SYN2: variants seen among roughly 807,000 people sequenced by gnomAD.
The protein encoded by SYN2 is synapsin II, also known as synapsin-2.
In SYN2, 19 loss-of-function variants were observed where a neutral mutation model predicts 50.9. The observed-to-expected ratio is 0.37, with a 90% CI of 0.26 to 0.55. The LOEUF (loss-of-function observed/expected upper bound fraction) is 0.55. Among genes scored for constraint, SYN2 ranks in the 20% least tolerant of loss-of-function variants. The pLI is 0.81. For synonymous variants in SYN2, 255 were observed against 224.9 expected, an observed-to-expected ratio of 1.13 and a Z score of -1.20; for missense variants, 587 against 576.4, an observed-to-expected ratio of 1.02 and a Z score of -0.19.
At chr3:12,045,055 A>G (rs1208720409) in intron 1 of SYN2, among the ~76,000 whole-genome samples, 1 of 152,178 alleles carries the variant, frequency 6.6e-6, no homozygotes, top group Non-Finnish European at 1.5e-5. Flanking sequence ...TATGCCTTAA[A>G]GATGATGTGA....
intron 10 of SYN2, among the ~76,000 whole-genome samples, chr3:12,171,680 A>G (rs889435250): frequency 6.6e-6 from 1 of 152,206 alleles, no homozygotes; most frequent in African/African-American, 2.4e-5. Flanking sequence ...TGTCCTTGCC[A>G]CTGCTTCACC....
chr3:12,082,878 T>A (rs1695611930), intron 1 of SYN2, among the ~76,000 whole-genome samples: 1 of 152,306 alleles, frequency 6.6e-6, no homozygotes, highest in East Asian at 1.9e-4. Context: ...GATTTGAACT[T>A]TTTTATTTCA....
chr3:12,120,287 T>TA (rs1209402881), intron 1 of SYN2, among the ~76,000 whole-genome samples: 1 of 144,010 alleles, frequency 6.9e-6, no homozygotes, highest in Non-Finnish European at 1.6e-5. Context: ...TTAACCACAG[T>TA]TTTTTTTTTA....
intron 1 of SYN2, among the ~76,000 whole-genome samples, chr3:12,137,804 A>G (rs114344742): frequency 0.012 from 1,795 of 152,356 alleles, 28 homozygotes; most frequent in Non-Finnish European, 0.018. Context: ...CTGGAAGTAT[A>G]TGCTTATAAT....
intron 1 of SYN2, among the ~76,000 whole-genome samples, chr3:12,133,203 A>G (rs971716916): frequency 1.4e-4 from 22 of 152,244 alleles, no homozygotes; most frequent in African/African-American, 4.8e-4. Context: ...TGATATAACA[A>G]TTTAATCAGT....
chr3:12,054,912 C>G (rs1000549716), intron 1 of SYN2, among the ~76,000 whole-genome samples: 4 of 152,018 alleles, frequency 2.6e-5, no homozygotes, highest in Non-Finnish European at 5.9e-5. Flanking sequence ...AATTTTTCTT[C>G]AAAATTTAGA....
intron 1 of SYN2, among the ~76,000 whole-genome samples, chr3:12,057,315 G>GTGTT (rs1695014635): frequency 1.3e-5 from 2 of 151,736 alleles, no homozygotes; most frequent in East Asian, 3.9e-4. Context: ...GTGTGTGTGT[G>GTGTT]TGTGTGTGTA....
In SYN2 at chr3:12,137,285, T is replaced by C. The variant is rs540472177; in HGVS notation, c.378-3366T>C. Among the ~76,000 whole-genome samples, 4 of 151,690 alleles carry C rather than the reference T, an allele frequency of 2.6e-5. No individual in the cohort carries two copies. In the South Asian group the frequency reaches 8.3e-4, roughly 32 times the overall value. ...AAAAAAGTCCGTACTGGGCATCTTA[T>C]CTGTTCCTATCTTATGCAAGGGACT... On this transcript the variant is annotated intron_variant, in intron 1 of 12. Transcript: ENST00000621198.
At chr3:12,174,336 C>T (rs182500680) in intron 10 of SYN2, among the ~76,000 whole-genome samples, 1 of 152,080 alleles carries the variant, frequency 6.6e-6, no homozygotes, top group African/African-American at 2.4e-5. Context: ...TCCTGTCCCC[C>T]CAACATTGTT....
chr3:12,022,495 CCT>C (rs1559388707), intron 1 of SYN2, among the ~76,000 whole-genome samples: 1 of 152,096 alleles, frequency 6.6e-6, no homozygotes. Flanking sequence ...GCAACCTTTG[CCT>C]CTCGGATTCA....
chr3:12,154,279 G>A (rs773201010), intron 5 of SYN2: 48 of 1,612,914 alleles, frequency 3.0e-5, no homozygotes, highest in Admixed American at 5.0e-5. Flanking sequence ...TGAAGGCTCA[G>A]AACCCTTCCC....
intron 1 of SYN2, among the ~76,000 whole-genome samples, chr3:12,113,510 G>A (rs929424962): frequency 2.6e-5 from 4 of 152,120 alleles, no homozygotes; most frequent in South Asian, 2.1e-4. Flanking sequence ...TGTACAATCC[G>A]GTGCCATTAA....
rs1698002728 is a variant in SYN2 at position 12,174,102 on chromosome 3, T to C, written c.1308+4196T>C. 2.0e-5 allele frequency among the ~76,000 whole-genome samples: 3 copies of C among 152,092 alleles called. No homozygotes were observed. In the South Asian group the frequency reaches 6.2e-4, roughly 32 times the overall value. On this transcript the variant is annotated intron_variant, in intron 10 of 12. Coordinates refer to ENST00000621198, the MANE Select transcript of SYN2 (RefSeq NM_133625.6). ...GCTTCCCCTTCTTGGCCTCCTTTGC[T>C]GATTCTTCCACTTCTGCTGAGTGTC...
At chr3:12,141,428 G>A (rs1697015391) in intron 2 of SYN2, among the ~76,000 whole-genome samples, 1 of 152,200 alleles carries the variant, frequency 6.6e-6, no homozygotes, top group Admixed American at 6.5e-5. Flanking sequence ...GTAGATCAGG[G>A]AAATGGAAAC....
At chr3:12,043,931 A>G (rs1694675994) in intron 1 of SYN2, among the ~76,000 whole-genome samples, 1 of 152,150 alleles carries the variant, frequency 6.6e-6, no homozygotes, top group Non-Finnish European at 1.5e-5. Flanking sequence ...ATTTTATTGT[A>G]CATACTGCAT....
chr3:12,156,960 A>G (rs1697476903), intron 5 of SYN2: 1 of 1,548,538 alleles, frequency 6.5e-7, no homozygotes, highest in African/African-American at 1.4e-5. Flanking sequence ...AAAAAAAGGC[A>G]ATATTGGGTC....
intron 1 of SYN2, among the ~76,000 whole-genome samples, chr3:12,067,616 GAAAA>G (rs34794670): frequency 1.5e-5 from 2 of 130,668 alleles, no homozygotes; most frequent in Admixed American, 7.8e-5. Context: ...ATCTTAACCA[GAAAA>G]AAAAAAAAAA....
chr3:12,187,259 A>C, intron 11 of SYN2, 110 bp from the exon 12 acceptor site: 14 of 1,392,956 alleles, frequency 1.0e-5, no homozygotes, highest in Non-Finnish European at 1.3e-5. Flanking sequence ...TTCTTGGAAT[A>C]GAGCTTATCC....
At chr3:12,163,244 A>AC (rs1487706241) in intron 7 of SYN2, among the ~76,000 whole-genome samples, 1 of 150,644 alleles carries the variant, frequency 6.6e-6, no homozygotes, top group Admixed American at 6.6e-5. Flanking sequence ...TCTGTCTCAA[A>AC]AAAAAAAAAA....
Sources: gnomAD v4.1 joint callset for allele counts (sites outside exome capture counted in the v4.1 genomes callset) on GRCh38, gnomAD v4.1.1 for gene constraint, MANE v1.5 for transcripts, NCBI Gene and HGNC (gene_info 2026-07-23, HGNC 2026-07-21) for gene names.